RBFOX1: variants seen among roughly 807,000 people sequenced by gnomAD.
RBFOX1 encodes the protein RNA binding protein fox-1 homolog 1.
In RBFOX1, 8 loss-of-function variants were observed where a neutral mutation model predicts 57.7. The observed-to-expected ratio is 0.14, with a 90% CI of 0.08 to 0.25. RBFOX1 has a LOEUF of 0.25. Among genes scored for constraint, RBFOX1 ranks in the 10% least tolerant of loss-of-function variants. The pLI, the probability that RBFOX1 is intolerant of heterozygous loss-of-function variation, is 1.00. For synonymous variants in RBFOX1, 326 were observed against 222.4 expected (o/e 1.47, Z -4.15); for missense variants, 611 against 548.5 (o/e 1.11, Z -1.14).
At chr16:7,439,167 C>T (rs191730254) in intron 4 of RBFOX1, among the ~76,000 whole-genome samples, 29 of 152,274 alleles carry the variant, frequency 1.9e-4, no homozygotes, top group Admixed American at 1.9e-3. Context: ...CGCAGGCCTT[C>T]GCGCTGTGTC....
At chr16:5,332,756 A>G (rs900145003) in intron 1 of RBFOX1, among the ~76,000 whole-genome samples, 140 of 152,052 alleles carry the variant, frequency 9.2e-4, no homozygotes, top group African/African-American at 3.3e-3. Flanking sequence ...AGAGAAATCA[A>G]AGAAAATACA....
chr16:6,173,105 G>C (rs2096974032), intron 1 of RBFOX1, among the ~76,000 whole-genome samples: 1 of 152,130 alleles, frequency 6.6e-6, no homozygotes, highest in African/African-American at 2.4e-5. Context: ...GGATAATTAA[G>C]ACTAATTTTT....
chr16:6,871,915 GT>G lies in RBFOX1; in HGVS notation c.-15-180141del, dbSNP rs1567653635. ...TCTTTGAGAGAGGGAGAGAGTCTGTGTGTGTGTGTGTGTGTGTGTGTGTGTG... is the reference window on the plus strand; with the variant it reads ...TCTTTGAGAGAGGGAGAGAGTCTGTGGTGTGTGTGTGTGTGTGTGTGTGTG... On this transcript the variant is annotated intron_variant, in intron 3 of 15. Transcript: ENST00000550418. 4.0e-4 allele frequency among the ~76,000 whole-genome samples: 13 copies of G among 32,876 alleles called. No individual in the cohort carries two copies. In the East Asian group the frequency reaches 0.012, roughly 31 times the overall value. The allele number at this position is 32,876 out of a possible 152,430, so 21.6% of individuals were successfully genotyped here.
At chr16:7,211,635 T>A (rs12599681) in intron 4 of RBFOX1, among the ~76,000 whole-genome samples, 5 of 151,980 alleles carry the variant, frequency 3.3e-5, no homozygotes, top group Non-Finnish European at 7.4e-5. Context: ...GCAAGGGTAA[T>A]GTATTGCATT....
chr16:5,583,154 T>A (rs912712309), intron 2 of RBFOX1, among the ~76,000 whole-genome samples: 5 of 152,170 alleles, frequency 3.3e-5, no homozygotes, highest in Admixed American at 1.3e-4. Context: ...AACAAAAAAT[T>A]GTACAGCCAT....
intron 4 of RBFOX1, among the ~76,000 whole-genome samples, chr16:7,485,052 C>A (rs945164723): frequency 1.3e-4 from 13 of 103,018 alleles, no homozygotes; most frequent in African/African-American, 4.3e-4. Context: ...CGTTCCCCAA[C>A]ATTAATCCAC....
At chr16:5,645,839 T>TA (rs2049034202) in intron 3 of RBFOX1, among the ~76,000 whole-genome samples, 1 of 152,070 alleles carries the variant, frequency 6.6e-6, no homozygotes, top group Non-Finnish European at 1.5e-5. Context: ...CTAATTTTTT[T>TA]AAAAAAATTT....
At chr16:6,526,163 C>G (rs2096574747) in intron 2 of RBFOX1, among the ~76,000 whole-genome samples, 1 of 152,124 alleles carries the variant, frequency 6.6e-6, no homozygotes, top group African/African-American at 2.4e-5. Context: ...TCCACCTCAC[C>G]AAACCATTCT....
rs1162986357 is a variant in RBFOX1 at position 7,037,959 on chromosome 16, C to T, written c.-15-14098C>T. Among the ~76,000 whole-genome samples, 2 of 152,118 alleles carry T rather than the reference C, an allele frequency of 1.3e-5. 1 individual carries two copies. Among genetic ancestry groups the T allele is most frequent in the South Asian group, 4.1e-4 (2 of 4,824 alleles). On this transcript the variant is annotated intron_variant, in intron 3 of 15. Transcript: ENST00000550418. ...ACTTCTGATAAAATTATTATTAGAG[C>T]TCTGTAATATCCAATGAGAAAGAAA...
chr16:7,519,359 T>C (rs62012733), intron 5 of RBFOX1, among the ~76,000 whole-genome samples: 5,146 of 152,268 alleles, frequency 0.034, 123 homozygotes, highest in Non-Finnish European at 0.05. Context: ...GGTGAGAGAA[T>C]TTTGATGAAT....
chr16:6,897,713 A>G (rs547080527), intron 3 of RBFOX1, among the ~76,000 whole-genome samples: 1 of 152,162 alleles, frequency 6.6e-6, no homozygotes, highest in African/African-American at 2.4e-5. Context: ...CAGTTGCTTG[A>G]ACCCGGGAGG....
At chr16:7,359,926 G>T (rs2097288973) in intron 4 of RBFOX1, among the ~76,000 whole-genome samples, 1 of 151,672 alleles carries the variant, frequency 6.6e-6, no homozygotes, top group Admixed American at 6.6e-5. Flanking sequence ...GGAGCTTGCA[G>T]TGAGCCGAGA....
intron 4 of RBFOX1, among the ~76,000 whole-genome samples, chr16:7,360,123 C>T (rs181633836): frequency 6.6e-6 from 1 of 152,166 alleles, no homozygotes; most frequent in African/African-American, 2.4e-5. Flanking sequence ...AACCAAAAGA[C>T]AGATGGATGG....
chr16:6,650,168 G>A (rs2098572547), intron 2 of RBFOX1, among the ~76,000 whole-genome samples: 1 of 152,190 alleles, frequency 6.6e-6, no homozygotes, highest in Non-Finnish European at 1.5e-5. Flanking sequence ...ATAACTGTAA[G>A]AATATGCCTT....
chr16:6,950,294 C>G (rs915633714), intron 3 of RBFOX1, among the ~76,000 whole-genome samples: 5 of 151,934 alleles, frequency 3.3e-5, no homozygotes, highest in Non-Finnish European at 4.4e-5. Context: ...ATGCTCCCCT[C>G]TGCATCTCAC....
At position 7,609,561 on chromosome 16, in the gene RBFOX1, A is replaced by AATGTT. The variant is rs528895501; in HGVS notation, c.676+2226_676+2230dup. ...AGATCATTAAGTTAGAGGAAAAGAA[A>AATGTT]ATGTTATAATGTAAGTTAATATTTA... On this transcript the variant is annotated intron_variant, in intron 10 of 15. Coordinates refer to ENST00000550418, the MANE Select transcript of RBFOX1 (RefSeq NM_018723.4). Among the ~76,000 whole-genome samples the AATGTT allele has an allele frequency of 1.6e-3, 239 of 152,256 alleles. 1 individual carries two copies. Among genetic ancestry groups the AATGTT allele is most frequent in the African/African-American group, 5.5e-3 (228 of 41,540 alleles).
intron 4 of RBFOX1, among the ~76,000 whole-genome samples, chr16:5,888,317 T>A (rs1204525955): frequency 6.6e-6 from 1 of 152,228 alleles, no homozygotes; most frequent in Non-Finnish European, 1.5e-5. Context: ...AGTGAGCATC[T>A]TCCTTTATTC....
At chr16:7,239,172 G>A (rs151198197) in intron 4 of RBFOX1, among the ~76,000 whole-genome samples, 28 of 152,116 alleles carry the variant, frequency 1.8e-4, no homozygotes, top group African/African-American at 6.3e-4. Context: ...GATATATGAT[G>A]AGGCTACTTC....
chr16:6,954,277 A>G (rs927506640), intron 3 of RBFOX1, among the ~76,000 whole-genome samples: 2 of 152,152 alleles, frequency 1.3e-5, no homozygotes, highest in Non-Finnish European at 2.9e-5. Flanking sequence ...GATTCTGGTC[A>G]TCTCGCCAAT....
Sources: allele counts gnomAD v4.1 joint callset (sites outside exome capture counted in the v4.1 genomes callset), GRCh38; gene constraint gnomAD v4.1.1; transcripts MANE v1.5; gene names NCBI Gene and HGNC (gene_info 2026-07-23, HGNC 2026-07-21).